Variants in HMGN2 observed in about 807,000 individuals in gnomAD.
The protein encoded by HMGN2 is non-histone chromosomal protein HMG-17.
Under a neutral mutation model 16.9 loss-of-function variants are expected in HMGN2, and 2 were observed. That is an observed-to-expected ratio of 0.12 (90% CI 0.05 to 0.37). The LOEUF is 0.37. Among genes scored for constraint, HMGN2 ranks in the 10% least tolerant of loss-of-function variants. The pLI, the probability that HMGN2 is intolerant of heterozygous loss-of-function variation, is 1.00. For missense variants in HMGN2, 90 were observed against 106.0 expected, an observed-to-expected ratio of 0.85 and a Z score of 0.66; for synonymous variants, 31 against 34.9, an observed-to-expected ratio of 0.89 and a Z score of 0.39.
At chr1:26,473,316 AGC>A in intron 1 of HMGN2, 165 bp from the exon 2 acceptor site, 18 of 571,074 alleles carry the variant, frequency 3.2e-5, no homozygotes, top group Admixed American at 6.3e-5. Flanking sequence ...GGCGAGCCGG[AGC>A]TCCTGCGCGC....
intron 1 of HMGN2, among the ~76,000 whole-genome samples, chr1:26,473,036 C>T (rs1365171960): frequency 2.1e-3 from 1 of 472 alleles, no homozygotes; most frequent in Non-Finnish European, 0.012. Flanking sequence ...AAACCGCCGC[C>T]GTGAGGGGCG....
At chr1:26,473,009 A>C (rs1570377590) in intron 1 of HMGN2, among the ~76,000 whole-genome samples, 1 of 142,422 alleles carries the variant, frequency 7.0e-6, no homozygotes, top group Non-Finnish European at 1.5e-5. Context: ...CGGGCGGGGG[A>C]AAGCGCTGCC....
intron 1 of HMGN2, 175 bp from the exon 2 acceptor site, chr1:26,473,308 C>T (rs2075588101): frequency 6.7e-6 from 4 of 596,288 alleles, no homozygotes; most frequent in South Asian, 2.1e-5. Context: ...TCGGGGTCGG[C>T]GAGCCGGAGC....
rs1441583731 is a variant in HMGN2 at position 26,472,534 on chromosome 1, C to A, written c.-79C>A. On this transcript the variant is annotated 5_prime_UTR_variant, in exon 1 of 6. Transcript: ENST00000361427. ...CAGTGTGAAGAAGAGGCGAGAACGACCCCCGGACCGACCAAAGCCCGCGCG... is the reference window on the plus strand; with the variant it reads ...CAGTGTGAAGAAGAGGCGAGAACGAACCCCGGACCGACCAAAGCCCGCGCG... 9 of 1,515,220 alleles carry A rather than the reference C, an allele frequency of 5.9e-6. No homozygotes were observed. Among genetic ancestry groups the A allele is most frequent in the South Asian group, 1.2e-5 (1 of 83,708 alleles). 93.9% of individuals were successfully genotyped at this position (1,515,220 alleles called of 1,614,324 possible). A position where few individuals can be genotyped will look rare whatever the true frequency, so the allele number is the denominator to read the frequency against.
At position 26,475,140 on chromosome 1, in the gene HMGN2, G is replaced by T. The variant is rs753034961; in HGVS notation, c.265G>T (p.Ala89Ser). The change falls in exon 6 of 6, where the codon GCC becomes TCC. Residue 89 changes from alanine to serine, a missense_variant. Ala to Ser is a moderately conservative substitution (Grantham distance 99). Coordinates refer to ENST00000361427, the MANE Select transcript of HMGN2 (RefSeq NM_005517.4). ...ACAGAAAGCTGAAGGTGCTGGAGATGCCAAGTGAAGTGTGTGCATTTTTGA... is the reference window on the plus strand; with the variant it reads ...ACAGAAAGCTGAAGGTGCTGGAGATTCCAAGTGAAGTGTGTGCATTTTTGA... ...QAQKAEGAGDAK is the reference protein window; with the variant it reads ...QAQKAEGAGDSK 6.2e-7 allele frequency: 1 copy of T among 1,606,682 alleles called. No individual in the cohort carries two copies. Among genetic ancestry groups the T allele is most frequent in the Non-Finnish European group, 8.5e-7 (1 of 1,173,812 alleles).
In HMGN2 at chr1:26,476,285, C is replaced by A. The variant is rs922429556; in HGVS notation, c.*1137C>A. On this transcript the variant is annotated 3_prime_UTR_variant, in exon 6 of 6. Coordinates refer to ENST00000361427, the MANE Select transcript of HMGN2 (RefSeq NM_005517.4). ...TAAATGCAGATTTTTGGTAGATCTG[C>A]GGTTTTGGCTGGGTAGCTGACAGGA... Among the ~76,000 whole-genome samples the A allele has an allele frequency of 1.3e-5, 2 of 152,086 alleles. No homozygotes were observed. The highest frequency in any genetic ancestry group is 2.9e-5 in the Non-Finnish European group (2 of 68,006).
chr1:26,473,133 G>A (rs890314539), intron 1 of HMGN2: 6 of 286,060 alleles, frequency 2.1e-5, no homozygotes, highest in Non-Finnish European at 3.9e-5. Context: ...TCCCCGGGCT[G>A]CGCGCGCCTC....
chr1:26,473,927 C>T (rs2075592056), intron 3 of HMGN2, 158 bp from the exon 4 acceptor site: 4 of 791,796 alleles, frequency 5.1e-6, no homozygotes, highest in Non-Finnish European at 6.1e-6. Context: ...TTTGAGTGGG[C>T]TTCTGGAAAT....
At chr1:26,472,729 G>A in intron 1 of HMGN2, 102 bp downstream of exon 1, 1 of 1,072,314 alleles carries the variant, frequency 9.3e-7, no homozygotes, top group Non-Finnish European at 1.3e-6. Flanking sequence ...GCAGGAGCCA[G>A]CGCAGCCTCC....
At position 26,474,239 on chromosome 1, in the gene HMGN2, C is replaced by G. The variant is rs569451016; in HGVS notation, c.141+104C>G. On this transcript the variant is annotated intron_variant, in intron 4 of 5. Coordinates refer to ENST00000361427, the MANE Select transcript of HMGN2 (RefSeq NM_005517.4). ...TGCCTCCATTAATGGAGGTTATAAACTGTGTGGATAGCTTACCTCGTCCGT... is the reference window on the plus strand; with the variant it reads ...TGCCTCCATTAATGGAGGTTATAAAGTGTGTGGATAGCTTACCTCGTCCGT... The G allele has an allele frequency of 9.0e-4, 727 of 807,766 alleles. 1 individual carries two copies. The highest frequency in any genetic ancestry group is 5.1e-3 in the Middle Eastern group (14 of 2,756). The allele number at this position is 807,766 out of a possible 1,614,324, so 50.0% of individuals were successfully genotyped here.
At chr1:26,474,442 G>T (rs975102810) in intron 4 of HMGN2, 130 bp from the exon 5 acceptor site, 14 of 637,942 alleles carry the variant, frequency 2.2e-5, no homozygotes, top group Non-Finnish European at 4.0e-5. Context: ...TTGATCAGTT[G>T]TTCTTGTCAA....
rs374598454 is a variant in HMGN2 at position 26,473,466 on chromosome 1, G to A, written c.16-17G>A. On this transcript the variant is annotated splice_polypyrimidine_tract_variant and intron_variant, in intron 1 of 5. Coordinates refer to ENST00000361427, the MANE Select transcript of HMGN2 (RefSeq NM_005517.4). The stretch of plus-strand genomic sequence containing the variant: ...ACCACCTCAAAATCTGCAGTTTTTT[G>A]TTCTTGTTTCTTATAGGCTGAAGGG... 3 of 1,604,216 alleles carry A rather than the reference G, an allele frequency of 1.9e-6. No homozygotes were observed. The highest frequency in any genetic ancestry group is 2.6e-6 in the Non-Finnish European group (3 of 1,171,848).
intron 1 of HMGN2, 136 bp from the exon 2 acceptor site, chr1:26,473,347 C>T (rs953034779): frequency 6.1e-6 from 4 of 658,554 alleles, no homozygotes; most frequent in Middle Eastern, 4.1e-4. Flanking sequence ...CTTATACGAA[C>T]GTCGGGCTCA....
rs1445997070 is a variant in HMGN2 at position 26,475,724 on chromosome 1, T to C, written c.*576T>C. ...CTTCCTGAAAGTCAGGGTCGGCTTGTGAAAAGTTGTTAAACAACATGCTAA... is the reference window on the plus strand; with the variant it reads ...CTTCCTGAAAGTCAGGGTCGGCTTGCGAAAAGTTGTTAAACAACATGCTAA... On this transcript the variant is annotated 3_prime_UTR_variant, in exon 6 of 6. Transcript: ENST00000361427. 3.3e-6 allele frequency: 1 copy of C among 306,972 alleles called. No homozygotes were observed. The highest frequency in any genetic ancestry group is 2.5e-5 in the South Asian group (1 of 39,628). The allele number at this position is 306,972 out of a possible 1,614,324, so 19.0% of individuals were successfully genotyped here. A position where few individuals can be genotyped will look rare whatever the true frequency, so the allele number is the denominator to read the frequency against.
rs1311057410 is a variant in HMGN2 at position 26,473,596 on chromosome 1, G to A, written c.60+69G>A. ...AGGCCACTGGACTCGGTGATTAACC[G>A]TAACCTGTGTCCTGAATTTACACTC... is the stretch of plus-strand genomic sequence containing the variant. On this transcript the variant is annotated intron_variant, in intron 2 of 5. Coordinates refer to ENST00000361427, the MANE Select transcript of HMGN2 (RefSeq NM_005517.4). 6.5e-6 allele frequency: 10 copies of A among 1,544,978 alleles called. No homozygotes were observed. The Admixed American group carries it at 6.7e-5, about 10-fold the overall frequency.
rs946758610 is a variant in HMGN2, at chr1:26,476,179, A to G, written c.*1031A>G. ...TAGCTGATGGTGAAAGGCTGGGAGT[A>G]TGGAGTGATTTCTGTACTTGGTTAT... On this transcript the variant is annotated 3_prime_UTR_variant, in exon 6 of 6. Transcript: ENST00000361427. Among the ~76,000 whole-genome samples the G allele has an allele frequency of 1.3e-5, 2 of 152,172 alleles. No individual in the cohort carries two copies. Among genetic ancestry groups the G allele is most frequent in the African/African-American group, 2.4e-5 (1 of 41,444 alleles).
At chr1:26,475,062 C>A in intron 5 of HMGN2, 51 bp from the exon 6 acceptor site, 2 of 1,482,580 alleles carry the variant, frequency 1.3e-6, no homozygotes, top group Non-Finnish European at 1.9e-6. Context: ...AATGTGAACA[C>A]AGATAGTTTT....
chr1:26,473,875 T>G, intron 3 of HMGN2, 143 bp downstream of exon 3: 1 of 907,942 alleles, frequency 1.1e-6, no homozygotes, highest in Non-Finnish European at 1.7e-6. Context: ...CTTTGGGTTT[T>G]GCTGGTTCTG....
rs767852218 is a variant in HMGN2 at position 26,473,542 on chromosome 1, C to G, written c.60+15C>G. ...TGAAGGACGAAGTAAGTCATTCTCT[C>G]TTCAAGGGTCAAAGCCTTGGACTAG... is the stretch of plus-strand genomic sequence containing the variant. On this transcript the variant is annotated intron_variant, in intron 2 of 5. Transcript: ENST00000361427. 6.2e-7 allele frequency: 1 copy of G among 1,607,962 alleles called. No individual in the cohort carries two copies. The highest frequency in any genetic ancestry group is 8.5e-7 in the Non-Finnish European group (1 of 1,174,370).
Sources: gnomAD v4.1 joint callset for allele counts (sites outside exome capture counted in the v4.1 genomes callset) on GRCh38, gnomAD v4.1.1 for gene constraint, MANE v1.5 for transcripts, NCBI Gene and HGNC (gene_info 2026-07-23, HGNC 2026-07-21) for gene names.